Variants in COL22A1 observed in about 807,000 individuals in gnomAD.
COL22A1 encodes the protein collagen type XXII alpha 1 chain, also known as collagen alpha-1(XXII) chain.
COL22A1 carries 221 observed loss-of-function variants against 248.9 expected under a neutral mutation model. The ratio of observed to expected loss-of-function variants is 0.89; its 90% CI spans 0.80 to 0.99. The LOEUF (loss-of-function observed/expected upper bound fraction) is 0.99. Ranked by LOEUF, COL22A1 falls within the 50% of genes least tolerant of loss-of-function variation. The probability of loss-of-function intolerance (pLI) is 0.00; values close to 1 mark genes in which losing one functional copy is unlikely to be tolerated. For synonymous variants in COL22A1, 891 were observed against 793.4 expected (o/e 1.12, Z -2.07); for missense variants, 2,240 against 2,179.0 (o/e 1.03, Z -0.56).
In COL22A1 at chr8:138,731,384, A is replaced by T. The variant is rs901057499; in HGVS notation, c.2140-5944T>A. Among the ~76,000 whole-genome samples the T allele has an allele frequency of 2.3e-4, 35 of 152,118 alleles. 1 individual carries two copies. The highest frequency in any genetic ancestry group is 5.9e-5 in the Non-Finnish European group (4 of 68,014). On this transcript the variant is annotated intron_variant, in intron 23 of 64. Transcript: ENST00000303045. ...AACTTGCAAGATGAGAGACCATGAGACAAATATGAGAGCAGGCAGAAGGCA... is the reference window on the plus strand; with the variant it reads ...AACTTGCAAGATGAGAGACCATGAGTCAAATATGAGAGCAGGCAGAAGGCA...
At chr8:138,673,464 CTCCCAA>C (rs1408611534) in intron 41 of COL22A1, among the ~76,000 whole-genome samples, 1 of 152,178 alleles carries the variant, frequency 6.6e-6, no homozygotes, top group African/African-American at 2.4e-5. Context: ...CTGCCGCAGC[CTCCCAA>C]AGTGCTGGGA....
chr8:138,892,702 GT>G (rs1825149950), intron 1 of COL22A1, among the ~76,000 whole-genome samples: 1 of 152,228 alleles, frequency 6.6e-6, no homozygotes, highest in Non-Finnish European at 1.5e-5. Flanking sequence ...CATTGCCATA[GT>G]AACCAGCATT....
In COL22A1 at chr8:138,676,712, T is replaced by G. The variant is rs1825587197; in HGVS notation, c.3073-77A>C. ...GCTAGGGTACAAAATGAATCATGCT[T>G]CTTCTAGAATCCTGACTGCAGGCTT... On this transcript the variant is annotated intron_variant, in intron 40 of 64. Transcript: ENST00000303045. 9.3e-6 allele frequency: 10 copies of G among 1,080,832 alleles called. No homozygotes were observed. The South Asian group carries it at 1.4e-4, about 15-fold the overall frequency. 67.0% of individuals were successfully genotyped at this position (1,080,832 alleles called of 1,614,324 possible). A position where few individuals can be genotyped will look rare whatever the true frequency, so the allele number is the denominator to read the frequency against.
At chr8:138,596,135 T>G (rs1189448659) in intron 62 of COL22A1, among the ~76,000 whole-genome samples, 2 of 152,238 alleles carry the variant, frequency 1.3e-5, no homozygotes, top group African/African-American at 4.8e-5. Context: ...TGCTGAGAAC[T>G]TCACCTGATC....
intron 2 of COL22A1, among the ~76,000 whole-genome samples, chr8:138,882,373 C>G (rs973370459): frequency 1.3e-5 from 2 of 150,766 alleles, no homozygotes; most frequent in African/African-American, 4.9e-5. Context: ...CTCACACACT[C>G]TCACACTCCC....
At position 138,760,208 on chromosome 8, in the gene COL22A1, G is replaced by A. The variant is rs377116678; in HGVS notation, c.1902+35C>T. 2,566 of 1,530,852 alleles carry A rather than the reference G, an allele frequency of 1.7e-3. 4 individuals are homozygous for A. Among genetic ancestry groups the A allele is most frequent in the Admixed American group, 2.6e-3 (128 of 48,422 alleles). 94.8% of individuals were successfully genotyped at this position (1,530,852 alleles called of 1,614,324 possible). ...GCAGTCCCCGCACCTGCCTGCCCAG[G>A]GCACAGAGCCCTTGACAGCCCCAGG... On this transcript the variant is annotated intron_variant, in intron 18 of 64. Transcript: ENST00000303045.
intron 1 of COL22A1, among the ~76,000 whole-genome samples, chr8:138,890,080 T>TA (rs1234683229): frequency 6.6e-6 from 1 of 151,970 alleles, no homozygotes; most frequent in Non-Finnish European, 1.5e-5. Flanking sequence ...TGGTTCAACA[T>TA]ACAAAAATCA....
In COL22A1 at chr8:138,883,088, G is replaced by T. The variant is rs372496490; in HGVS notation, c.85C>A (p.Arg29=). The change falls in exon 2 of 65, where the codon CGG becomes AGG. Residue 29 remains arginine (R), a synonymous_variant. Transcript: ENST00000303045. ...CAGCCCACGGTGGCCCCACCTGCCC[G>T]CTGAGCCTGGCAGCCGCCGCCCCCA... ...WSGGGGCQAQ[R]AGCKSVHYDL... 5.1e-6 allele frequency: 8 copies of T among 1,581,658 alleles called. 1 individual carries two copies. The South Asian group carries it at 6.9e-5, about 14-fold the overall frequency.
intron 1 of COL22A1, among the ~76,000 whole-genome samples, chr8:138,909,375 C>CTTTTTTTT (rs57916926): frequency 2.6e-4 from 37 of 142,616 alleles, no homozygotes; most frequent in African/African-American, 3.8e-4. Context: ...GCTGACTTGC[C>CTTTTTTTT]TTTTTTTTTT....
At chr8:138,715,844 T>C in intron 29 of COL22A1, 109 bp from the exon 30 acceptor site, 1 of 789,654 alleles carries the variant, frequency 1.3e-6, no homozygotes, top group Non-Finnish European at 2.1e-6. Flanking sequence ...TGTATATATT[T>C]CTCTCTCTCA....
chr8:138,690,187 A>C (rs1826717401), intron 36 of COL22A1, among the ~76,000 whole-genome samples: 1 of 152,186 alleles, frequency 6.6e-6, no homozygotes, highest in African/African-American at 2.4e-5. Context: ...ACTGACCTAA[A>C]TCTATTGTAG....
chr8:138,692,472 T>C (rs1409368557), intron 35 of COL22A1, among the ~76,000 whole-genome samples: 7 of 54,524 alleles, frequency 1.3e-4, no homozygotes, highest in African/African-American at 3.4e-4. Flanking sequence ...CATGTGTGTG[T>C]GTGTGTGTGT....
At chr8:138,816,457 C>T (rs1243070806) in intron 7 of COL22A1, among the ~76,000 whole-genome samples, 1 of 152,208 alleles carries the variant, frequency 6.6e-6, no homozygotes, top group Non-Finnish European at 1.5e-5. Flanking sequence ...CATGGGTCTG[C>T]TTGGCTCCCT....
At chr8:138,834,272 C>A (rs868044522) in intron 4 of COL22A1, among the ~76,000 whole-genome samples, 2 of 151,924 alleles carry the variant, frequency 1.3e-5, no homozygotes, top group Admixed American at 6.6e-5. Flanking sequence ...GGTATTCACA[C>A]CTAACCCATG....
chr8:138,610,648 G>T (rs1003946530), intron 56 of COL22A1, among the ~76,000 whole-genome samples: 1 of 152,192 alleles, frequency 6.6e-6, no homozygotes, highest in African/African-American at 2.4e-5. Flanking sequence ...GCCTCTGGGG[G>T]CCTTGGGATT....
chr8:138,606,808 T>G (rs1818463114), intron 57 of COL22A1, among the ~76,000 whole-genome samples: 1 of 152,124 alleles, frequency 6.6e-6, no homozygotes, highest in Non-Finnish European at 1.5e-5. Context: ...CGGCCAAAGC[T>G]CACTTGGTAG....
intron 10 of COL22A1, among the ~76,000 whole-genome samples, chr8:138,805,356 A>ATGGTGTGGGTGTGTGG (rs1817435591): frequency 8.2e-6 from 1 of 121,904 alleles, no homozygotes; most frequent in Non-Finnish European, 1.7e-5. Flanking sequence ...TGGATGTGTG[A>ATGGTGTGGGTGTGTGG]TGGTGTGCAT....
chr8:138,748,586 C>T (rs1832325811), intron 22 of COL22A1, among the ~76,000 whole-genome samples: 1 of 152,144 alleles, frequency 6.6e-6, no homozygotes, highest in Non-Finnish European at 1.5e-5. Context: ...AATTGGAGCT[C>T]AATAAACACC....
chr8:138,813,985 G>A lies in COL22A1; in HGVS notation c.1246-966C>T, dbSNP rs555610201. On this transcript the variant is annotated intron_variant, in intron 7 of 64. Transcript: ENST00000303045. Reference sequence around the variant, plus strand: ...AATATGACAGCCCCTTAAACAAGACGTAACACGTAAAAAACCTAAAATTTA... The same window carrying A: ...AATATGACAGCCCCTTAAACAAGACATAACACGTAAAAAACCTAAAATTTA... 3.3e-5 allele frequency among the ~76,000 whole-genome samples: 5 copies of A among 152,300 alleles called. No homozygotes were observed. The South Asian group carries it at 6.2e-4, about 19-fold the overall frequency.
Sources: allele counts gnomAD v4.1 joint callset (sites outside exome capture counted in the v4.1 genomes callset), GRCh38; gene constraint gnomAD v4.1.1; transcripts MANE v1.5; gene names NCBI Gene and HGNC (gene_info 2026-07-23, HGNC 2026-07-21).